SLC25A26: variants seen among roughly 807,000 people sequenced by gnomAD.
The protein encoded by SLC25A26 is mitochondrial S-adenosylmethionine carrier protein.
In SLC25A26, 36 loss-of-function variants were observed where a neutral mutation model predicts 37.8. That is an observed-to-expected ratio of 0.95 (90% confidence interval 0.73 to 1.26). SLC25A26 has a LOEUF of 1.26. Among genes scored for constraint, SLC25A26 ranks in the 50% most tolerant of loss-of-function variants. The pLI is 0.00. For synonymous variants in SLC25A26, 129 were observed against 122.5 expected (o/e 1.05, Z -0.35); for missense variants, 390 against 331.1 (o/e 1.18, Z -1.38).
chr3:66,208,662 G>A (rs1169668369), intron 1 of SLC25A26, among the ~76,000 whole-genome samples: 61 of 118,398 alleles, frequency 5.2e-4, no homozygotes, highest in East Asian at 3.7e-3. Context: ...CTTTATATGG[G>A]TATATATATA....
intron 7 of SLC25A26, among the ~76,000 whole-genome samples, chr3:66,367,749 A>G (rs2076857351): frequency 6.6e-6 from 1 of 151,988 alleles, no homozygotes; most frequent in Non-Finnish European, 1.5e-5. Context: ...GTGTTCATGG[A>G]TCCTGTTATG....
intron 1 of SLC25A26, among the ~76,000 whole-genome samples, chr3:66,146,984 G>T (rs2070123876): frequency 6.6e-6 from 1 of 151,208 alleles, no homozygotes; most frequent in African/African-American, 2.4e-5. Context: ...CTCCATCCAA[G>T]TTGCTGCAAA....
intron 6 of SLC25A26, among the ~76,000 whole-genome samples, chr3:66,356,768 CAG>C (rs1411080435): frequency 6.6e-6 from 1 of 152,022 alleles, no homozygotes; most frequent in African/African-American, 2.4e-5. Context: ...AGCTGGGACT[CAG>C]GGGTGTGCCA....
intron 5 of SLC25A26, among the ~76,000 whole-genome samples, chr3:66,319,486 T>C (rs2075634267): frequency 6.6e-6 from 1 of 152,174 alleles, no homozygotes; most frequent in African/African-American, 2.4e-5. Context: ...AATTAGATAA[T>C]TTACCTTTGA....
chr3:66,345,655 C>T (rs1468013859), intron 5 of SLC25A26, among the ~76,000 whole-genome samples: 1 of 151,940 alleles, frequency 6.6e-6, no homozygotes, highest in Non-Finnish European at 1.5e-5. Flanking sequence ...CCCCATTCCC[C>T]TAACACTTCT....
chr3:66,192,334 A>G (rs894725942), intron 1 of SLC25A26, among the ~76,000 whole-genome samples: 6 of 150,564 alleles, frequency 4.0e-5, no homozygotes, highest in African/African-American at 9.8e-5. Context: ...AAAAAAAAAA[A>G]AGAGAGAGAA....
chr3:66,243,080 T>C, intron 2 of SLC25A26, 123 bp from the exon 3 acceptor site: 1 of 586,356 alleles, frequency 1.7e-6, no homozygotes, highest in South Asian at 2.3e-5. Context: ...AGATATGTGC[T>C]TATCACCTTT....
chr3:66,344,034 A>C (rs974493176), intron 5 of SLC25A26, among the ~76,000 whole-genome samples: 6 of 152,162 alleles, frequency 3.9e-5, no homozygotes, highest in African/African-American at 1.4e-4. Context: ...TAGCTTGTCA[A>C]ATTAGTCCAG....
intron 1 of SLC25A26, among the ~76,000 whole-genome samples, chr3:66,178,204 G>T (rs1441300052): frequency 6.6e-6 from 1 of 152,038 alleles, no homozygotes; most frequent in Non-Finnish European, 1.5e-5. Context: ...TGGAGGCCAG[G>T]TTCAGATGGC....
intron 5 of SLC25A26, among the ~76,000 whole-genome samples, chr3:66,299,200 C>CT (rs756708961): frequency 3.5e-4 from 53 of 151,564 alleles, no homozygotes; most frequent in Non-Finnish European, 6.2e-4. Context: ...ATACAACAAA[C>CT]TTTTTTTTTG....
chr3:66,148,261 A>T (rs960105801), intron 1 of SLC25A26, among the ~76,000 whole-genome samples: 3 of 152,188 alleles, frequency 2.0e-5, no homozygotes, highest in Admixed American at 2.0e-4. Flanking sequence ...TTAAAAAAGG[A>T]GAGTCAAATG....
At chr3:66,179,601 T>C (rs2070656719) in intron 1 of SLC25A26, among the ~76,000 whole-genome samples, 1 of 152,210 alleles carries the variant, frequency 6.6e-6, no homozygotes, top group African/African-American at 2.4e-5. Context: ...CAATGCAGAA[T>C]TTTTACTGGG....
chr3:66,321,183 T>A (rs192150248), intron 5 of SLC25A26, among the ~76,000 whole-genome samples: 25 of 152,372 alleles, frequency 1.6e-4, no homozygotes, highest in Admixed American at 1.2e-3. Flanking sequence ...TTGATATTAA[T>A]GCAAATTCTC....
intron 5 of SLC25A26, among the ~76,000 whole-genome samples, chr3:66,336,381 G>C (rs984374151): frequency 6.6e-6 from 1 of 152,144 alleles, no homozygotes; most frequent in East Asian, 1.9e-4. Flanking sequence ...GGGAAGGAAA[G>C]TTGGGGGTGG....
intron 1 of SLC25A26, among the ~76,000 whole-genome samples, chr3:66,199,205 C>T (rs2071081285): frequency 1.3e-5 from 2 of 152,022 alleles, no homozygotes; most frequent in Non-Finnish European, 2.9e-5. Context: ...TGACTCTGAC[C>T]CTGACACTAC....
chr3:66,322,789 A>G (rs1425415391), intron 5 of SLC25A26, among the ~76,000 whole-genome samples: 1 of 152,210 alleles, frequency 6.6e-6, no homozygotes, highest in African/African-American at 2.4e-5. Context: ...GGACTTTTTC[A>G]TTCTAGACTT....
At chr3:66,183,748 C>A (rs1401499016) in intron 1 of SLC25A26, among the ~76,000 whole-genome samples, 1 of 152,092 alleles carries the variant, frequency 6.6e-6, no homozygotes, top group Non-Finnish European at 1.5e-5. Flanking sequence ...CTGATTCTCA[C>A]CATGACCTGA....
At chr3:66,175,001 G>A (rs144340442) in intron 1 of SLC25A26, among the ~76,000 whole-genome samples, 43,015 of 150,162 alleles carry the variant, frequency 0.29, 6,719 homozygotes, top group African/African-American at 0.42. Context: ...GGGCATAATG[G>A]TGGTTTGCAA....
chr3:66,281,493 G>A (rs573722708), intron 5 of SLC25A26, among the ~76,000 whole-genome samples: 32 of 152,156 alleles, frequency 2.1e-4, no homozygotes, highest in African/African-American at 7.5e-4. Flanking sequence ...TTGTTAGCTG[G>A]CATTCTTCTG....
Sources: allele counts gnomAD v4.1 joint callset (sites outside exome capture counted in the v4.1 genomes callset), GRCh38; gene constraint gnomAD v4.1.1; transcripts MANE v1.5; gene names NCBI Gene and HGNC (gene_info 2026-07-23, HGNC 2026-07-21).